Variants in CRPPA observed in about 807,000 individuals in gnomAD.
The protein encoded by CRPPA is D-ribitol-5-phosphate cytidylyltransferase.
In CRPPA, 43 loss-of-function variants were observed where a neutral mutation model predicts 52.0. The ratio of observed to expected loss-of-function variants is 0.83; its 90% confidence interval spans 0.65 to 1.07. The LOEUF is 1.07. Among genes scored for constraint, CRPPA ranks in the 50% least tolerant of loss-of-function variants. The probability of loss-of-function intolerance (pLI) is 0.00; values close to 1 mark genes in which losing one functional copy is unlikely to be tolerated. For missense variants in CRPPA, 629 were observed against 551.7 expected (o/e 1.14, Z -1.40); for synonymous variants, 250 against 203.5 (o/e 1.23, Z -1.94).
At chr7:16,132,029 T>C (rs565311178) in intron 9 of CRPPA, among the ~76,000 whole-genome samples, 2 of 152,196 alleles carry the variant, frequency 1.3e-5, no homozygotes, top group South Asian at 2.1e-4. Flanking sequence ...ATTAGGGCAA[T>C]GCCTAGCAGA....
intron 5 of CRPPA, among the ~76,000 whole-genome samples, chr7:16,290,381 C>T (rs1444580879): frequency 6.6e-6 from 1 of 151,938 alleles, no homozygotes; most frequent in African/African-American, 2.4e-5. Context: ...CTAGATGCAT[C>T]ATACTAACCT....
intron 3 of CRPPA, among the ~76,000 whole-genome samples, chr7:16,333,918 G>T (rs1233360491): frequency 2.0e-5 from 3 of 152,136 alleles, no homozygotes; most frequent in African/African-American, 4.8e-5. Context: ...GGGCACGATG[G>T]TTTCTATGAT....
chr7:16,292,523 G>A (rs749702975), intron 5 of CRPPA, among the ~76,000 whole-genome samples: 5 of 151,946 alleles, frequency 3.3e-5, no homozygotes, highest in Admixed American at 6.6e-5. Flanking sequence ...GTGCATTAAG[G>A]AATACCTAGT....
chr7:16,337,651 G>A (rs1785720395), intron 3 of CRPPA, among the ~76,000 whole-genome samples: 1 of 151,902 alleles, frequency 6.6e-6, no homozygotes, highest in East Asian at 1.9e-4. Flanking sequence ...GAAAAACCAA[G>A]ACTACTCAAA....
chr7:16,230,887 G>A (rs553882087), intron 8 of CRPPA, among the ~76,000 whole-genome samples: 1 of 152,110 alleles, frequency 6.6e-6, no homozygotes. Flanking sequence ...GGGGCCACCT[G>A]CTGCTGCTGA....
intron 9 of CRPPA, among the ~76,000 whole-genome samples, chr7:16,146,670 C>T (rs1463691703): frequency 1.3e-5 from 2 of 151,874 alleles, no homozygotes. Flanking sequence ...TGTATTAATC[C>T]AAAGCGAAAT....
intron 5 of CRPPA, among the ~76,000 whole-genome samples, chr7:16,293,146 A>G (rs574163164): frequency 1.3e-5 from 2 of 152,000 alleles, no homozygotes; most frequent in Admixed American, 1.3e-4. Flanking sequence ...ACAAACACTA[A>G]GGTAGATCCT....
intron 9 of CRPPA, among the ~76,000 whole-genome samples, chr7:16,105,247 A>G (rs1403744844): frequency 6.6e-6 from 1 of 152,188 alleles, no homozygotes; most frequent in Non-Finnish European, 1.5e-5. Context: ...AACACTTGGA[A>G]ACAAGACTGA....
In CRPPA at chr7:16,258,956, G is replaced by T; in HGVS notation, c.990C>A (p.Ile330=). The change falls in exon 7 of 10, where the codon ATC becomes ATA. Residue 330 remains isoleucine, a synonymous_variant. Transcript: ENST00000407010. ...CAAAATTGTAGCATTGATCTAAGATGATTTGCTGAAGATGTCTGCCAGCAT... is the reference window on the plus strand; with the variant it reads ...CAAAATTGTAGCATTGATCTAAGATTATTTGCTGAAGATGTCTGCCAGCAT... ...LGHAGRHLQQ[I]ILDQCYNFVC... 6.2e-7 allele frequency: 1 copy of T among 1,611,140 alleles called. No individual in the cohort carries two copies. The highest frequency in any genetic ancestry group is 8.5e-7 in the Non-Finnish European group (1 of 1,178,364).
chr7:16,307,557 G>C (rs1784938299), intron 4 of CRPPA, among the ~76,000 whole-genome samples: 1 of 151,234 alleles, frequency 6.6e-6, no homozygotes. Flanking sequence ...GTAGGCACCT[G>C]TGATCCCAGC....
intron 5 of CRPPA, among the ~76,000 whole-genome samples, chr7:16,289,299 CT>C (rs908360317): frequency 6.6e-6 from 1 of 152,116 alleles, no homozygotes; most frequent in Non-Finnish European, 1.5e-5. Context: ...GATACTAATC[CT>C]CCTCAAACTA....
chr7:16,097,690 A>G (rs1295699023), intron 9 of CRPPA, among the ~76,000 whole-genome samples: 2 of 152,160 alleles, frequency 1.3e-5, no homozygotes, highest in African/African-American at 4.8e-5. Flanking sequence ...TGAAGTCTTG[A>G]TGAAACTTTG....
chr7:16,251,699 A>G (rs1039798728), intron 8 of CRPPA, among the ~76,000 whole-genome samples: 4 of 152,136 alleles, frequency 2.6e-5, no homozygotes, highest in Non-Finnish European at 4.4e-5. Context: ...GACACAACAT[A>G]CCAGAATCTC....
intron 2 of CRPPA, among the ~76,000 whole-genome samples, chr7:16,380,201 A>G (rs111969215): frequency 0.48 from 72,210 of 149,074 alleles, 18,729 homozygotes; most frequent in African/African-American, 0.66. Context: ...TAGCATGAAG[A>G]GTTGCTGAAT....
chr7:16,266,681 A>G (rs1234870706), intron 6 of CRPPA, among the ~76,000 whole-genome samples: 1 of 151,864 alleles, frequency 6.6e-6, no homozygotes, highest in African/African-American at 2.4e-5. Flanking sequence ...CTTTCACCAT[A>G]TTGGCCAGGC....
rs369328419 is a variant in CRPPA at position 16,347,527 on chromosome 7, T to C, written c.684+28565A>G. Among the ~76,000 whole-genome samples the C allele has an allele frequency of 3.0e-4, 46 of 152,250 alleles. No homozygotes were observed. The South Asian group carries it at 9.1e-3, about 30-fold the overall frequency. ...CCACTATTTTATCGTTCAGAAAATATAGTCAAGAAGCAGTCAGGGATAGGA... is the reference window on the plus strand; with the variant it reads ...CCACTATTTTATCGTTCAGAAAATACAGTCAAGAAGCAGTCAGGGATAGGA... On this transcript the variant is annotated intron_variant, in intron 3 of 9. Coordinates refer to ENST00000407010, the MANE Select transcript of CRPPA (RefSeq NM_001101426.4).
In CRPPA at chr7:16,232,592, T is replaced by A. The variant is rs1609081; in HGVS notation, c.1120-16395A>T. On this transcript the variant is annotated intron_variant, in intron 8 of 9. Coordinates refer to ENST00000407010, the MANE Select transcript of CRPPA (RefSeq NM_001101426.4). ...TTCTAACACCAGAAAACACAGTAAG[T>A]AAGACAATAATTTACAGGGCATTAG... 8.8e-3 allele frequency among the ~76,000 whole-genome samples: 1,345 copies of A among 152,024 alleles called. 25 individuals are homozygous for A. The highest frequency in any genetic ancestry group is 0.031 in the African/African-American group (1,268 of 41,368).
chr7:16,259,471 A>G (rs187174790), intron 6 of CRPPA, among the ~76,000 whole-genome samples: 32 of 152,122 alleles, frequency 2.1e-4, no homozygotes, highest in African/African-American at 7.5e-4. Context: ...TCACAACAAT[A>G]TAAGTGAGAG....
rs996384008 is a variant in CRPPA at position 16,253,610 on chromosome 7, G to A, written c.1119+4780C>T. On this transcript the variant is annotated intron_variant, in intron 8 of 9. Coordinates refer to ENST00000407010, the MANE Select transcript of CRPPA (RefSeq NM_001101426.4). ...ATTTGGGGTGGAGAGTTCTGTAGAT[G>A]TCTATTAGGTCCGCTTGGTGCAGAG... 2.6e-5 allele frequency among the ~76,000 whole-genome samples: 4 copies of A among 152,014 alleles called. No individual in the cohort carries two copies. In the East Asian group the frequency reaches 7.7e-4, roughly 29 times the overall value.
Sources: allele counts gnomAD v4.1 joint callset (sites outside exome capture counted in the v4.1 genomes callset), GRCh38; gene constraint gnomAD v4.1.1; transcripts MANE v1.5; gene names NCBI Gene and HGNC (gene_info 2026-07-23, HGNC 2026-07-21).